The following TRHDE variants were observed in gnomAD, a reference collection of about 807,000 sequenced individuals.
TRHDE encodes thyrotropin-releasing hormone-degrading ectoenzyme.
In TRHDE, 72 loss-of-function variants were observed where a neutral mutation model predicts 125.7. The observed-to-expected ratio is 0.57, with a 90% CI of 0.47 to 0.70. The LOEUF (loss-of-function observed/expected upper bound fraction) is 0.70, where lower values mean the gene tolerates loss of function less well. Among genes scored for constraint, TRHDE ranks in the 30% least tolerant of loss-of-function variants. TRHDE has a pLI of 0.00. For synonymous variants in TRHDE, 509 were observed against 509.1 expected (o/e 1.00, Z 0.00); for missense variants, 1,110 against 1,327.1 (o/e 0.84, Z 2.54).
intron 15 of TRHDE, among the ~76,000 whole-genome samples, chr12:72,623,579 A>C (rs1273865789): frequency 6.6e-6 from 1 of 152,100 alleles, no homozygotes; most frequent in Non-Finnish European, 1.5e-5. Context: ...TAACATTCAT[A>C]GAGGAACTGT....
chr12:72,417,010 G>C (rs918022063), intron 3 of TRHDE, among the ~76,000 whole-genome samples: 2 of 151,884 alleles, frequency 1.3e-5, no homozygotes, highest in African/African-American at 4.8e-5. Flanking sequence ...TGGAATATCT[G>C]CCCCTTTTTT....
At chr12:72,237,989 G>A (rs1399163637) in intron 2 of TRHDE, among the ~76,000 whole-genome samples, 1 of 151,830 alleles carries the variant, frequency 6.6e-6, no homozygotes, top group Non-Finnish European at 1.5e-5. Flanking sequence ...GCAAAAGAGA[G>A]GGAAGAAGAA....
intron 5 of TRHDE, among the ~76,000 whole-genome samples, chr12:72,483,588 C>A (rs1342696049): frequency 6.6e-6 from 1 of 151,762 alleles, no homozygotes; most frequent in Non-Finnish European, 1.5e-5. Context: ...TTCTGAAGAG[C>A]AAAGCTTTTC....
chr12:72,611,653 A>T (rs1239214941), intron 12 of TRHDE, among the ~76,000 whole-genome samples: 1 of 152,158 alleles, frequency 6.6e-6, no homozygotes, highest in African/African-American at 2.4e-5. Flanking sequence ...TGTAAAGAAG[A>T]GAGGGAAAAA....
intron 5 of TRHDE, among the ~76,000 whole-genome samples, chr12:72,498,034 C>T (rs906051422): frequency 2.0e-5 from 3 of 152,086 alleles, no homozygotes; most frequent in South Asian, 2.1e-4. Context: ...GGACTCAAAG[C>T]GTGATTTGAT....
chr12:72,562,098 G>A, intron 7 of TRHDE, 67 bp from the exon 8 acceptor site: 1 of 669,954 alleles, frequency 1.5e-6, no homozygotes, highest in East Asian at 2.9e-5. Flanking sequence ...TATTAATTGA[G>A]AAATAAATGT....
intron 2 of TRHDE, among the ~76,000 whole-genome samples, chr12:72,125,461 C>A (rs945187728): frequency 6.6e-6 from 1 of 152,102 alleles, no homozygotes; most frequent in Admixed American, 6.6e-5. Context: ...GACAAGTGAA[C>A]ATCACCAGGC....
intron 12 of TRHDE, among the ~76,000 whole-genome samples, chr12:72,603,463 A>C (rs1226263945): frequency 1.3e-5 from 2 of 152,074 alleles, no homozygotes; most frequent in African/African-American, 2.4e-5. Context: ...CGGTGTCTCA[A>C]GCCTGTAATC....
At chr12:72,583,413 G>T (rs1366946639) in intron 12 of TRHDE, among the ~76,000 whole-genome samples, 1 of 152,104 alleles carries the variant, frequency 6.6e-6, no homozygotes, top group Non-Finnish European at 1.5e-5. Flanking sequence ...ACATCTCTGA[G>T]GTTGGGGATT....
chr12:72,547,944 A>T lies in TRHDE; in HGVS notation c.1788+5588A>T, dbSNP rs74103382. On this transcript the variant is annotated intron_variant, in intron 7 of 18. Coordinates refer to ENST00000261180, the MANE Select transcript of TRHDE (RefSeq NM_013381.3). ...CACCTCATTTTTGTTTGTGGTATAC[A>T]CATCTCCAAATTCCTTCCTAGGTCA... 8.3e-3 allele frequency among the ~76,000 whole-genome samples: 1,268 copies of T among 152,000 alleles called. 22 individuals carry two copies. Among genetic ancestry groups the T allele is most frequent in the African/African-American group, 0.029 (1,206 of 41,524 alleles).
chr12:72,533,181 T>A (rs1868648455), intron 6 of TRHDE, among the ~76,000 whole-genome samples: 1 of 152,106 alleles, frequency 6.6e-6, no homozygotes, highest in Non-Finnish European at 1.5e-5. Flanking sequence ...AAATTCTTTT[T>A]TTTTTTGTTT....
chr12:72,565,012 C>T (rs1352748819), intron 9 of TRHDE, among the ~76,000 whole-genome samples: 1 of 149,222 alleles, frequency 6.7e-6, no homozygotes, highest in Admixed American at 6.6e-5. Flanking sequence ...TAAGATAATG[C>T]AGGACATCCT....
intron 1 of TRHDE, among the ~76,000 whole-genome samples, chr12:72,094,441 C>T (rs1020947489): frequency 3.3e-5 from 5 of 152,190 alleles, no homozygotes; most frequent in African/African-American, 1.2e-4. Flanking sequence ...AGGACTACTC[C>T]CAAATGGTAG....
chr12:72,261,493 C>T (rs1341236050), intron 2 of TRHDE, among the ~76,000 whole-genome samples: 1 of 152,126 alleles, frequency 6.6e-6, no homozygotes, highest in Non-Finnish European at 1.5e-5. Context: ...ATAAGCAATG[C>T]TATCTGTGAT....
intron 2 of TRHDE, among the ~76,000 whole-genome samples, chr12:72,321,302 T>C (rs1869080201): frequency 6.6e-6 from 1 of 152,172 alleles, no homozygotes; most frequent in African/African-American, 2.4e-5. Flanking sequence ...TGATGGCTTC[T>C]AGGAAAGAAT....
intron 2 of TRHDE, among the ~76,000 whole-genome samples, chr12:72,376,042 T>C (rs1871865851): frequency 6.6e-6 from 1 of 152,118 alleles, no homozygotes; most frequent in South Asian, 2.1e-4. Context: ...GAGACCTACA[T>C]CACCAAGATG....
intron 2 of TRHDE, among the ~76,000 whole-genome samples, chr12:72,152,326 A>ATCATG (rs1328936834): frequency 2.0e-5 from 3 of 151,792 alleles, no homozygotes; most frequent in Non-Finnish European, 4.4e-5. Flanking sequence ...TAGATATACA[A>ATCATG]TCATGTCATC....
At chr12:72,598,593 C>T (rs1476369921) in intron 12 of TRHDE, among the ~76,000 whole-genome samples, 2 of 152,128 alleles carry the variant, frequency 1.3e-5, no homozygotes. Context: ...GGAATAATAC[C>T]TGCCATTACA....
intron 7 of TRHDE, among the ~76,000 whole-genome samples, chr12:72,547,689 C>A (rs1365557775): frequency 2.6e-5 from 4 of 151,700 alleles, no homozygotes; most frequent in African/African-American, 9.7e-5. Flanking sequence ...CACCTCTATA[C>A]AGGACATCTG....
Sources: allele counts gnomAD v4.1 joint callset (sites outside exome capture counted in the v4.1 genomes callset), GRCh38; gene constraint gnomAD v4.1.1; transcripts MANE v1.5; gene names NCBI Gene and HGNC (gene_info 2026-07-23, HGNC 2026-07-21).